The following CEP97 variants were observed in gnomAD, a reference collection of about 807,000 sequenced individuals.
CEP97 encodes the protein centrosomal protein 97, also known as centrosomal protein of 97 kDa.
CEP97 carries 43 observed loss-of-function variants against 73.1 expected under a neutral mutation model. That is an observed-to-expected ratio of 0.59 (90% CI 0.46 to 0.76). The LOEUF is 0.76. CEP97 is among the 30% of genes least tolerant of loss of function. The pLI is 0.00. For missense variants in CEP97, 939 were observed against 1,014.0 expected (o/e 0.93, Z 1.00); for synonymous variants, 337 against 370.0 (o/e 0.91, Z 1.02).
chr3:101,762,072 T>C (rs1939190744), intron 9 of CEP97, among the ~76,000 whole-genome samples: 1 of 152,178 alleles, frequency 6.6e-6, no homozygotes, highest in Non-Finnish European at 1.5e-5. Context: ...GACCCTTAAT[T>C]GTTTTGGAGG....
chr3:101,764,756 C>T lies in CEP97; in HGVS notation c.1894-91C>T, dbSNP rs565047320. ...CATGATTGTGCTGCTGCACTCCAGC[C>T]TGGGTGACAGAGCGAGACCCTGTCT... On this transcript the variant is annotated intron_variant, in intron 10 of 10. Coordinates refer to ENST00000341893, the MANE Select transcript of CEP97 (RefSeq NM_024548.4). The T allele has an allele frequency of 3.0e-5, 35 of 1,160,074 alleles. No individual in the cohort carries two copies. In the African/African-American group the frequency reaches 4.2e-4, roughly 14 times the overall value. The allele number at this position is 1,160,074 out of a possible 1,614,324, so 71.9% of individuals were successfully genotyped here.
At chr3:101,731,399 C>G (rs1938105894) in intron 4 of CEP97, among the ~76,000 whole-genome samples, 1 of 151,818 alleles carries the variant, frequency 6.6e-6, no homozygotes, top group African/African-American at 2.4e-5. Flanking sequence ...CCAGGTCTCA[C>G]TATGTTGCCC....
chr3:101,751,108 T>C (rs1055277543), intron 6 of CEP97, among the ~76,000 whole-genome samples: 4 of 152,230 alleles, frequency 2.6e-5, no homozygotes, highest in Non-Finnish European at 5.9e-5. Context: ...TTCTGGTATG[T>C]TGTGTCTTTG....
rs763983712 is a variant in CEP97 at position 101,732,607 on chromosome 3, C to G, written c.681C>G (p.Cys227Trp). Residue 227 changes from cysteine (C) to tryptophan (W), a missense_variant, in exon 6 of 11, where the codon TGC (cysteine) becomes TGG (tryptophan). Coordinates refer to ENST00000341893, the MANE Select transcript of CEP97 (RefSeq NM_024548.4). The stretch of plus-strand genomic sequence containing the variant: ...ATCGGCCGTACATCGTCAGCTGGTG[C>G]CTAAACCTCAGAGTCCTAGATGGAT... The part of the protein sequence containing the change: ...FDYRPYIVSW[C>W]LNLRVLDGYV... 6.2e-7 allele frequency: 1 copy of G among 1,613,960 alleles called. No individual in the cohort carries two copies. Among genetic ancestry groups the G allele is most frequent in the South Asian group, 1.1e-5 (1 of 91,066 alleles).
At position 101,765,783 on chromosome 3, in the gene CEP97, A is replaced by G. The variant is rs1029392722; in HGVS notation, c.*232A>G. On this transcript the variant is annotated 3_prime_UTR_variant, in exon 11 of 11. Transcript: ENST00000341893. Reference sequence around the variant, plus strand: ...TACCAAACTATTTATATTGAAAGCTATATGCACTTTATTTCTTAACTGAAT... The same window carrying G: ...TACCAAACTATTTATATTGAAAGCTGTATGCACTTTATTTCTTAACTGAAT... The G allele has an allele frequency of 7.3e-6, 3 of 412,694 alleles. No homozygotes were observed. The highest frequency in any genetic ancestry group is 4.8e-5 in the South Asian group (1 of 20,684). The allele number at this position is 412,694 out of a possible 1,614,324, so 25.6% of individuals were successfully genotyped here. A position where few individuals can be genotyped will look rare whatever the true frequency, so the allele number is the denominator to read the frequency against.
chr3:101,747,007 A>G (rs1323678499), intron 6 of CEP97, among the ~76,000 whole-genome samples: 4 of 150,010 alleles, frequency 2.7e-5, no homozygotes, highest in Non-Finnish European at 5.9e-5. Flanking sequence ...TAGAATGGCA[A>G]TCATTAAAAA....
At chr3:101,731,244 A>G (rs1290813187) in intron 4 of CEP97, among the ~76,000 whole-genome samples, 2 of 143,354 alleles carry the variant, frequency 1.4e-5, no homozygotes, top group Non-Finnish European at 3.0e-5. Flanking sequence ...GCTGTCACCC[A>G]GGCTCGAGTG....
chr3:101,765,738 C>G lies in CEP97; in HGVS notation c.*187C>G, dbSNP rs1490402695. 1.1e-5 allele frequency: 6 copies of G among 567,816 alleles called. No individual in the cohort carries two copies. Among genetic ancestry groups the G allele is most frequent in the Non-Finnish European group, 1.5e-5 (5 of 326,080 alleles). 35.2% of individuals were successfully genotyped at this position (567,816 alleles called of 1,614,324 possible). A position where few individuals can be genotyped will look rare whatever the true frequency, so the allele number is the denominator to read the frequency against. ...TGAGTTTTCATTTTGATTTTGTTAGCTTTTTACTTAGCTGTAAGGTACCAA... is the reference window on the plus strand; with the variant it reads ...TGAGTTTTCATTTTGATTTTGTTAGGTTTTTACTTAGCTGTAAGGTACCAA... On this transcript the variant is annotated 3_prime_UTR_variant, in exon 11 of 11. Coordinates refer to ENST00000341893, the MANE Select transcript of CEP97 (RefSeq NM_024548.4).
intron 4 of CEP97, among the ~76,000 whole-genome samples, chr3:101,729,378 A>G (rs980726571): frequency 2.6e-5 from 4 of 152,110 alleles, no homozygotes; most frequent in Non-Finnish European, 5.9e-5. Flanking sequence ...CCAGAAATTA[A>G]GTTTGAAACT....
intron 10 of CEP97, 102 bp from the exon 11 acceptor site, chr3:101,764,745 T>C (rs149801711): frequency 0.013 from 13,157 of 989,106 alleles, 123 homozygotes; most frequent in Middle Eastern, 0.037. Context: ...ATTGTGCTGC[T>C]GCACTCCAGC....
intron 6 of CEP97, among the ~76,000 whole-genome samples, chr3:101,753,152 A>G (rs1244405484): frequency 6.6e-6 from 1 of 152,184 alleles, no homozygotes; most frequent in Non-Finnish European, 1.5e-5. Flanking sequence ...AGTTTGCTAG[A>G]GGTCCACTCC....
chr3:101,729,301 G>T (rs1938015678), intron 4 of CEP97, among the ~76,000 whole-genome samples: 1 of 150,928 alleles, frequency 6.6e-6, no homozygotes, highest in Non-Finnish European at 1.5e-5. Flanking sequence ...TTGGGTCACT[G>T]CACTCTAGCC....
Position 101,731,925 on chromosome 3 carries a change from C to A in CEP97, c.533C>A (p.Ala178Glu), listed in dbSNP as rs1229915349. ...AGAAGTCTTGCTATACTTTCTTTGG[C>A]AGAAAATGAAATCCGAGACTTAAAT... ...LPRSLAILSL[A>E]ENEIRDLNEI... Residue 178 changes from alanine (A) to glutamate (E), a missense_variant, in exon 5 of 11, where the codon GCA (alanine) becomes GAA (glutamate). Coordinates refer to ENST00000341893, the MANE Select transcript of CEP97 (RefSeq NM_024548.4). 6.2e-7 allele frequency: 1 copy of A among 1,604,766 alleles called. No individual in the cohort carries two copies.
chr3:101,745,979 C>T (rs976795775), intron 6 of CEP97, among the ~76,000 whole-genome samples: 10 of 151,982 alleles, frequency 6.6e-5, no homozygotes, highest in Admixed American at 3.9e-4. Flanking sequence ...TTGTTCAATT[C>T]CCACCTATGA....
chr3:101,759,476 T>C (rs1479758670), intron 9 of CEP97: 1 of 152,168 alleles, frequency 6.6e-6, no homozygotes, highest in African/African-American at 2.4e-5. Context: ...ATCTTAACTA[T>C]TTACACCTCA....
intron 6 of CEP97, among the ~76,000 whole-genome samples, chr3:101,750,855 A>T (rs1172601594): frequency 6.6e-6 from 1 of 152,164 alleles, no homozygotes; most frequent in African/African-American, 2.4e-5. Flanking sequence ...GATCCTTTCA[A>T]AAAACCAGCT....
intron 9 of CEP97, among the ~76,000 whole-genome samples, chr3:101,761,077 G>A (rs1450870261): frequency 6.6e-6 from 1 of 151,774 alleles, no homozygotes; most frequent in Non-Finnish European, 1.5e-5. Context: ...ATGTAGGCCA[G>A]GCTGGTCTCA....
At chr3:101,742,720 A>T (rs1384875143) in intron 6 of CEP97, among the ~76,000 whole-genome samples, 1 of 151,694 alleles carries the variant, frequency 6.6e-6, no homozygotes, top group African/African-American at 2.4e-5. Context: ...AGTATCCCAG[A>T]ACTTAAAGTA....
In CEP97 at chr3:101,766,319, CA is replaced by C. The variant is rs1939317330; in HGVS notation, c.*771del. ...CCATTCACTTGAAATACTCTCATGG[CA>C]AATATTTATCCTCTCATTAAGTGCT... is the stretch of plus-strand genomic sequence containing the variant. On this transcript the variant is annotated 3_prime_UTR_variant, in exon 11 of 11. Transcript: ENST00000341893. 1 of 152,550 alleles carries C rather than the reference CA, an allele frequency of 6.6e-6. No individual in the cohort carries two copies. Among genetic ancestry groups the C allele is most frequent in the African/African-American group, 2.4e-5 (1 of 41,444 alleles). The allele number at this position is 152,550 out of a possible 1,614,324, so 9.4% of individuals were successfully genotyped here.
Sources: gnomAD v4.1 joint callset for allele counts (sites outside exome capture counted in the v4.1 genomes callset) on GRCh38, gnomAD v4.1.1 for gene constraint, MANE v1.5 for transcripts, NCBI Gene and HGNC (gene_info 2026-07-23, HGNC 2026-07-21) for gene names.